Variants in ZAR1L observed in about 807,000 individuals in gnomAD.
ZAR1L encodes protein ZAR1-like.
ZAR1L carries 16 observed loss-of-function variants against 30.0 expected under a neutral mutation model. That is an observed-to-expected ratio of 0.53 (90% CI 0.36 to 0.81). The LOEUF is 0.81. ZAR1L is among the 30% of genes least tolerant of loss of function. The pLI is 0.00. For synonymous variants in ZAR1L, 197 were observed against 166.8 expected, an observed-to-expected ratio of 1.18 and a Z score of -1.40; for missense variants, 392 against 417.2, an observed-to-expected ratio of 0.94 and a Z score of 0.53.
At chr13:32,307,171 T>C (rs928851141) in intron 5 of ZAR1L, among the ~76,000 whole-genome samples, 40 of 151,882 alleles carry the variant, frequency 2.6e-4, no homozygotes, top group African/African-American at 9.2e-4. Context: ...TAAGTTAGGA[T>C]GTAGTTAGAG....
At chr13:32,309,465 T>G (rs2072198458) in intron 4 of ZAR1L, among the ~76,000 whole-genome samples, 1 of 152,222 alleles carries the variant, frequency 6.6e-6, no homozygotes, top group African/African-American at 2.4e-5. Context: ...TTTAAATTAC[T>G]TGTGGTTACC....
chr13:32,303,777 C>T lies in ZAR1L; in HGVS notation c.*102G>A, dbSNP rs1016234340. On this transcript the variant is annotated 3_prime_UTR_variant, in exon 6 of 6. Coordinates refer to ENST00000533490, the MANE Select transcript of ZAR1L (RefSeq NM_001136571.2). ...ATCTACAAAAAGTACAAAAGCCTAG[C>T]CATTTTCCGATGCCAGGTCAGAGCC... is the stretch of plus-strand genomic sequence containing the variant. 2.6e-6 allele frequency: 3 copies of T among 1,174,752 alleles called. No individual in the cohort carries two copies. Among genetic ancestry groups the T allele is most frequent in the South Asian group, 1.7e-5 (1 of 60,348 alleles). The allele number at this position is 1,174,752 out of a possible 1,614,324, so 72.8% of individuals were successfully genotyped here.
At chr13:32,313,919 T>TC (rs1231080755) in intron 2 of ZAR1L, among the ~76,000 whole-genome samples, 33 of 152,072 alleles carry the variant, frequency 2.2e-4, no homozygotes, top group Admixed American at 2.2e-3. Context: ...GAGACACCCC[T>TC]CCCCCACAAA....
chr13:32,306,744 A>G (rs2072178167), intron 5 of ZAR1L, among the ~76,000 whole-genome samples: 2 of 152,166 alleles, frequency 1.3e-5, no homozygotes, highest in Admixed American at 1.3e-4. Flanking sequence ...AAGCCTGGCC[A>G]ACATGGAGAA....
chr13:32,306,238 G>A (rs542267678), intron 5 of ZAR1L, among the ~76,000 whole-genome samples: 1 of 152,216 alleles, frequency 6.6e-6, no homozygotes, highest in African/African-American at 2.4e-5. Flanking sequence ...ATATAGATAA[G>A]CACATAAGAG....
At position 32,311,388 on chromosome 13, in the gene ZAR1L, C is replaced by T. The variant is rs1393003550; in HGVS notation, c.538G>A (p.Glu180Lys). 1.3e-6 allele frequency: 2 copies of T among 1,550,740 alleles called. No homozygotes were observed. Among genetic ancestry groups the T allele is most frequent in the African/African-American group, 2.7e-5 (2 of 73,182 alleles). The change falls in exon 3 of 6, where the codon GAG (glutamate) becomes AAG (lysine). Residue 180 changes from glutamate to lysine, a missense_variant. By Grantham distance (56) the Glu-to-Lys change is moderately conservative. Transcript: ENST00000533490. ...CCCGATTCCTCCAGCTGCCCGGGCT[C>T]CTCCTGCCTGTCAGCTCCTGACCTC... ...SRRSGADRQE[E>K]PGQLEESGEK... is the part of the protein sequence containing the mutation.
chr13:32,311,743 G>A lies in ZAR1L; in HGVS notation c.183C>T (p.Asp61=). ...CCTTAAGCTGCGCCCTCTTGTAAGG[G>A]TCAATGCAGTAGTCAGGGGCGTTCG... ...VPANAPDYCI[D]PYKRAQLKAI... is the part of the protein sequence containing the mutation. Residue 61 remains aspartate, a synonymous_variant, in exon 3 of 6, where the codon GAC becomes GAT. Coordinates refer to ENST00000533490, the MANE Select transcript of ZAR1L (RefSeq NM_001136571.2). 1 of 1,551,674 alleles carries A rather than the reference G, an allele frequency of 6.4e-7. No individual in the cohort carries two copies. The highest frequency in any genetic ancestry group is 1.7e-4 in the Middle Eastern group (1 of 5,990).
chr13:32,311,413 C>T lies in ZAR1L; in HGVS notation c.513G>A (p.Arg171=). Residue 171 remains arginine (R), a synonymous_variant, in exon 3 of 6, where the codon CGG becomes CGA. Transcript: ENST00000533490. The stretch of plus-strand genomic sequence containing the variant: ...CCTCCTGCCTGTCAGCTCCTGACCT[C>T]CGTGATGGTGGCTGCGGCTGGCTGG... The part of the protein sequence containing the change: ...AEASQPQPPS[R]RSGADRQEEP... 6.5e-7 allele frequency: 1 copy of T among 1,550,220 alleles called. No individual in the cohort carries two copies. Among genetic ancestry groups the T allele is most frequent in the South Asian group, 1.2e-5 (1 of 84,070 alleles).
At position 32,311,415 on chromosome 13, in the gene ZAR1L, G is replaced by A. The variant is rs1226281109; in HGVS notation, c.511C>T (p.Arg171Trp). The part of the protein sequence containing the change: ...AEASQPQPPS[R>W]RSGADRQEEP... ...TCCTGCCTGTCAGCTCCTGACCTCC[G>A]TGATGGTGGCTGCGGCTGGCTGGCC... The change falls in exon 3 of 6, where the codon CGG (arginine) becomes TGG (tryptophan). Residue 171 changes from arginine to tryptophan, a missense_variant. By Grantham distance (101) the Arg-to-Trp change is moderately radical. Transcript: ENST00000533490. The A allele has an allele frequency of 1.9e-6, 3 of 1,549,928 alleles. No homozygotes were observed. The South Asian group carries it at 3.6e-5, about 18-fold the overall frequency.
intron 5 of ZAR1L, among the ~76,000 whole-genome samples, chr13:32,305,761 T>C (rs991144984): frequency 6.6e-6 from 1 of 152,244 alleles, no homozygotes; most frequent in Admixed American, 6.5e-5. Flanking sequence ...AATAACTGTT[T>C]GGATCACTGA....
At chr13:32,313,411 G>A (rs917021093) in intron 2 of ZAR1L, among the ~76,000 whole-genome samples, 1 of 152,206 alleles carries the variant, frequency 6.6e-6, no homozygotes, top group Admixed American at 6.5e-5. Flanking sequence ...CTGTCTCCCA[G>A]GCAGGAGTGC....
At chr13:32,305,553 C>T (rs1452572747) in intron 5 of ZAR1L, among the ~76,000 whole-genome samples, 3 of 152,200 alleles carry the variant, frequency 2.0e-5, no homozygotes, top group Non-Finnish European at 2.9e-5. Context: ...ACAAGTAATA[C>T]TCACATGGTG....
chr13:32,311,816 T>C lies in ZAR1L; in HGVS notation c.110A>G (p.Asn37Ser). 6.4e-7 allele frequency: 1 copy of C among 1,551,656 alleles called. No individual in the cohort carries two copies. The highest frequency in any genetic ancestry group is 8.7e-7 in the Non-Finnish European group (1 of 1,146,994). ...GGCCAGAAAAGTGGGAGGACCCATA[T>C]TTTGCCTCCAGTCGGGCTGTTTGTG... ...SGHKQPDWRQ[N>S]MGPPTFLARP... Residue 37 changes from asparagine (N) to serine (S), a missense_variant, in exon 3 of 6, where the codon AAT becomes AGT. Transcript: ENST00000533490.
chr13:32,305,649 A>G (rs1201904454), intron 5 of ZAR1L, among the ~76,000 whole-genome samples: 1 of 152,248 alleles, frequency 6.6e-6, no homozygotes, highest in Non-Finnish European at 1.5e-5. Context: ...GAAAGGCTCA[A>G]TAAAATAAGG....
rs1415429545 is a variant in ZAR1L at position 32,311,540 on chromosome 13, G to A, written c.386C>T (p.Ala129Val). ...DGRDPQEPLP[A>V]CGVTSPATGR... ...GGTGGCGGGCGAAGTGACCCCACAGGCTGGCAGGGGCTCCTGGGGGTCTCT... is the reference window on the plus strand; with the variant it reads ...GGTGGCGGGCGAAGTGACCCCACAGACTGGCAGGGGCTCCTGGGGGTCTCT... Residue 129 changes from alanine to valine, a missense_variant, in exon 3 of 6, where the codon GCC becomes GTC. By Grantham distance (64) the Ala-to-Val change is moderately conservative. Transcript: ENST00000533490. The A allele has an allele frequency of 1.3e-6, 2 of 1,534,114 alleles. No individual in the cohort carries two copies. Among genetic ancestry groups the A allele is most frequent in the Non-Finnish European group, 1.8e-6 (2 of 1,139,604 alleles).
At chr13:32,309,983 C>T (rs1228663752) in intron 4 of ZAR1L, among the ~76,000 whole-genome samples, 1 of 152,248 alleles carries the variant, frequency 6.6e-6, no homozygotes, top group Non-Finnish European at 1.5e-5. Flanking sequence ...AGGGCGTTCA[C>T]ACTCAAATGC....
At chr13:32,314,909 A>C (rs2138693320) in intron 1 of ZAR1L, among the ~76,000 whole-genome samples, 1 of 152,220 alleles carries the variant, frequency 6.6e-6, no homozygotes, top group East Asian at 1.9e-4. Context: ...CTCACACTTC[A>C]TGAGCGAGTT....
intron 5 of ZAR1L, among the ~76,000 whole-genome samples, chr13:32,306,808 G>A (rs1362252170): frequency 6.6e-6 from 1 of 151,816 alleles, no homozygotes; most frequent in African/African-American, 2.4e-5. Flanking sequence ...GCATGTGCCT[G>A]TAATCCCAGC....
chr13:32,314,721 C>T (rs1159726442), intron 1 of ZAR1L, among the ~76,000 whole-genome samples, 171 bp from the exon 2 acceptor site: 3 of 152,026 alleles, frequency 2.0e-5, no homozygotes, highest in Non-Finnish European at 4.4e-5. Flanking sequence ...GCGTGGTGGC[C>T]CATGCCTGTA....
Sources: gnomAD v4.1 joint callset for allele counts (sites outside exome capture counted in the v4.1 genomes callset) on GRCh38, gnomAD v4.1.1 for gene constraint, MANE v1.5 for transcripts, NCBI Gene and HGNC (gene_info 2026-07-23, HGNC 2026-07-21) for gene names.